Variants in DPYD observed in about 807,000 individuals in gnomAD.
The protein encoded by DPYD is dihydropyrimidine dehydrogenase.
DPYD carries 109 observed loss-of-function variants against 116.2 expected under a neutral mutation model. That is an observed-to-expected ratio of 0.94 (90% CI 0.80 to 1.10). DPYD has a LOEUF of 1.10. DPYD is among the 50% of genes least tolerant of loss of function. DPYD has a pLI of 0.00. For missense variants in DPYD, 1,302 were observed against 1,254.5 expected (o/e 1.04, Z -0.57); for synonymous variants, 440 against 432.0 (o/e 1.02, Z -0.23).
At chr1:97,141,331 T>C (rs547219766) in intron 20 of DPYD, among the ~76,000 whole-genome samples, 27 of 152,208 alleles carry the variant, frequency 1.8e-4, no homozygotes, top group Admixed American at 4.6e-4. Flanking sequence ...TACTCTACCT[T>C]ACTTACCTCC....
chr1:97,681,885 C>A (rs947111836), intron 7 of DPYD, among the ~76,000 whole-genome samples: 9 of 152,066 alleles, frequency 5.9e-5, no homozygotes, highest in Non-Finnish European at 1.2e-4. Context: ...GAATGCCATG[C>A]CAATGAATTA....
chr1:97,288,123 C>T (rs1480508413), intron 18 of DPYD, among the ~76,000 whole-genome samples: 2 of 151,686 alleles, frequency 1.3e-5, no homozygotes, highest in Admixed American at 1.3e-4. Flanking sequence ...ATCAATTCAA[C>T]AAGAAAAGCT....
At chr1:97,817,324 T>C (rs1052169341) in intron 3 of DPYD, among the ~76,000 whole-genome samples, 11 of 152,068 alleles carry the variant, frequency 7.2e-5, no homozygotes, top group African/African-American at 2.7e-4. Context: ...GAGACTTTTT[T>C]CCCCAAAATA....
intron 14 of DPYD, among the ~76,000 whole-genome samples, chr1:97,422,091 A>G (rs1047632836): frequency 1.1e-4 from 16 of 152,126 alleles, no homozygotes; most frequent in African/African-American, 3.9e-4. Context: ...GTTGAAAGTG[A>G]TATTAGGAAT....
chr1:97,889,197 A>C (rs1445439999), intron 1 of DPYD, among the ~76,000 whole-genome samples: 1 of 152,158 alleles, frequency 6.6e-6, no homozygotes, highest in African/African-American at 2.4e-5. Context: ...AAAAAGTGAA[A>C]AAAATAAAAT....
At chr1:97,789,804 C>T (rs1374432126) in intron 3 of DPYD, among the ~76,000 whole-genome samples, 1 of 152,158 alleles carries the variant, frequency 6.6e-6, no homozygotes, top group Non-Finnish European at 1.5e-5. Context: ...CACTCAGCTC[C>T]CTTCCTCAAA....
chr1:97,553,736 T>C (rs1393240462), intron 11 of DPYD, among the ~76,000 whole-genome samples: 1 of 152,048 alleles, frequency 6.6e-6, no homozygotes, highest in Non-Finnish European at 1.5e-5. Flanking sequence ...TTCCATGAGA[T>C]TGCATCTTGA....
intron 16 of DPYD, among the ~76,000 whole-genome samples, chr1:97,332,453 T>C (rs1179967137): frequency 6.6e-6 from 1 of 152,216 alleles, no homozygotes. Flanking sequence ...GGAATAGCAT[T>C]ACTATAGGCA....
intron 18 of DPYD, among the ~76,000 whole-genome samples, chr1:97,274,836 T>C (rs1188271999): frequency 6.6e-6 from 1 of 152,108 alleles, no homozygotes; most frequent in Non-Finnish European, 1.5e-5. Context: ...AGGGATCAGT[T>C]ATATGCCAGG....
At chr1:97,347,565 T>G (rs1473568558) in intron 16 of DPYD, among the ~76,000 whole-genome samples, 1 of 152,076 alleles carries the variant, frequency 6.6e-6, no homozygotes, top group African/African-American at 2.4e-5. Flanking sequence ...CTTGCATTGA[T>G]GCTTATGAGT....
chr1:97,548,465 G>A (rs886833339), intron 12 of DPYD, among the ~76,000 whole-genome samples: 1 of 152,140 alleles, frequency 6.6e-6, no homozygotes, highest in African/African-American at 2.4e-5. Context: ...GGCTGGGCAC[G>A]GTGGCTTATG....
chr1:97,332,539 C>T (rs1015486188), intron 16 of DPYD, among the ~76,000 whole-genome samples: 8 of 152,150 alleles, frequency 5.3e-5, no homozygotes, highest in African/African-American at 1.9e-4. Context: ...GCATCTTCAT[C>T]TGCTCCAAGC....
chr1:97,190,474 C>A (rs1038802187), intron 20 of DPYD, among the ~76,000 whole-genome samples: 5 of 152,142 alleles, frequency 3.3e-5, no homozygotes, highest in African/African-American at 1.2e-4. Flanking sequence ...ACATTTCTCA[C>A]AAGCATGCTG....
intron 19 of DPYD, 111 bp from the exon 20 acceptor site, chr1:97,193,359 G>T: frequency 8.9e-7 from 1 of 1,118,108 alleles, no homozygotes; most frequent in Non-Finnish European, 1.3e-6. Context: ...GGCACTGTTT[G>T]AGGCATGATG....
At chr1:97,448,616 C>CTT (rs201268158) in intron 14 of DPYD, among the ~76,000 whole-genome samples, 32 of 142,228 alleles carry the variant, frequency 2.2e-4, no homozygotes, top group Middle Eastern at 3.8e-3. Flanking sequence ...TATAGTTGAT[C>CTT]TTTTTTTTTT....
intron 3 of DPYD, among the ~76,000 whole-genome samples, chr1:97,794,090 A>G (rs1447232724): frequency 6.6e-6 from 1 of 152,126 alleles, no homozygotes; most frequent in African/African-American, 2.4e-5. Flanking sequence ...GGCATGCGCC[A>G]CTATGCCCAG....
At chr1:97,774,820 T>C (rs1199276472) in intron 3 of DPYD, 4 of 180,272 alleles carry the variant, frequency 2.2e-5, no homozygotes, top group South Asian at 1.5e-4. Flanking sequence ...AATTCATGTA[T>C]ATCAGTACTG....
chr1:97,384,053 G>A (rs1188852269), intron 14 of DPYD, among the ~76,000 whole-genome samples: 1 of 152,122 alleles, frequency 6.6e-6, no homozygotes, highest in Non-Finnish European at 1.5e-5. Context: ...AGGTTACAGG[G>A]AGGTATGATT....
intron 3 of DPYD, among the ~76,000 whole-genome samples, chr1:97,782,345 T>A (rs1294603839): frequency 2.6e-5 from 4 of 152,162 alleles, no homozygotes; most frequent in African/African-American, 9.7e-5. Context: ...ACTATCCCAT[T>A]TTCTTCTGTG....
Sources: allele counts gnomAD v4.1 joint callset (sites outside exome capture counted in the v4.1 genomes callset), GRCh38; gene constraint gnomAD v4.1.1; transcripts MANE v1.5; gene names NCBI Gene and HGNC (gene_info 2026-07-23, HGNC 2026-07-21).